ZNF704: variants seen among roughly 807,000 people sequenced by gnomAD.
ZNF704 encodes the protein zinc finger protein 704, also known as glucocorticoid induced gene 1.
In ZNF704, 10 loss-of-function variants were observed where a neutral mutation model predicts 44.7. The observed-to-expected ratio is 0.22, with a 90% CI of 0.14 to 0.38. ZNF704 has a LOEUF of 0.38. ZNF704 is among the 10% of genes least tolerant of loss of function. The pLI is 1.00. For missense variants in ZNF704, 390 were observed against 545.5 expected (o/e 0.71, Z 2.84); for synonymous variants, 211 against 207.6 (o/e 1.02, Z -0.14).
At chr8:80,735,989 C>T (rs752338363) in intron 2 of ZNF704, among the ~76,000 whole-genome samples, 1 of 152,158 alleles carries the variant, frequency 6.6e-6, no homozygotes. Context: ...CAAGCATTAA[C>T]TACCCTTTGA....
At chr8:80,751,098 T>C (rs1806935439) in intron 2 of ZNF704, among the ~76,000 whole-genome samples, 1 of 152,242 alleles carries the variant, frequency 6.6e-6, no homozygotes, top group Non-Finnish European at 1.5e-5. Flanking sequence ...ACTTTTGCTT[T>C]TTTTTAACCA....
At position 80,849,773 on chromosome 8, in the gene ZNF704, A is replaced by G. The variant is rs549299080; in HGVS notation, c.-22+24798T>C. On this transcript the variant is annotated intron_variant, in intron 1 of 8. Transcript: ENST00000327835. ...GCTCTGAAGATGATGAGGTTTTAAGATCTGAGGATGAAGATGAAAGGTTTT... is the reference window on the plus strand; with the variant it reads ...GCTCTGAAGATGATGAGGTTTTAAGGTCTGAGGATGAAGATGAAAGGTTTT... Among the ~76,000 whole-genome samples the G allele has an allele frequency of 3.9e-5, 6 of 152,292 alleles. No individual in the cohort carries two copies. The East Asian group carries it at 9.6e-4, about 24-fold the overall frequency.
chr8:80,691,591 C>T (rs1818636736), intron 3 of ZNF704, among the ~76,000 whole-genome samples: 2 of 152,100 alleles, frequency 1.3e-5, no homozygotes, highest in Non-Finnish European at 2.9e-5. Context: ...CTTCCTTCCT[C>T]GGCCATCTTC....
chr8:80,667,757 A>C (rs944012172), intron 5 of ZNF704, among the ~76,000 whole-genome samples: 3 of 152,196 alleles, frequency 2.0e-5, no homozygotes, highest in Non-Finnish European at 4.4e-5. Flanking sequence ...ATGGATTCTG[A>C]GGTTAGACTT....
rs564986074 is a variant in ZNF704 at position 80,681,236 on chromosome 8, C to T, written c.558+5990G>A. On this transcript the variant is annotated intron_variant, in intron 4 of 8. Transcript: ENST00000327835. ...TTCTTATCTCTTAGGTAAATACATA[C>T]CTAAGAGTGGAATTGCTGGGTCATA... Among the ~76,000 whole-genome samples, 158 of 152,098 alleles carry T rather than the reference C, an allele frequency of 1.0e-3. 1 individual carries two copies. Among genetic ancestry groups the T allele is most frequent in the Middle Eastern group, 0.01 (3 of 294 alleles).
At chr8:80,655,084 C>A (rs1262150305) in intron 7 of ZNF704, among the ~76,000 whole-genome samples, 1 of 151,808 alleles carries the variant, frequency 6.6e-6, no homozygotes, top group African/African-American at 2.4e-5. Context: ...AGCAAACTAT[C>A]GCAAAGACAA....
chr8:80,785,702 G>GT (rs1175004368), intron 2 of ZNF704, among the ~76,000 whole-genome samples: 1 of 152,068 alleles, frequency 6.6e-6, no homozygotes, highest in African/African-American at 2.4e-5. Flanking sequence ...GTTTGTTTTT[G>GT]TTTTTTACTT....
chr8:80,724,791 C>A (rs1236499962), intron 2 of ZNF704, among the ~76,000 whole-genome samples: 1 of 152,180 alleles, frequency 6.6e-6, no homozygotes, highest in East Asian at 1.9e-4. Context: ...TCTGCCGAGT[C>A]CTTCCCCTCA....
intron 2 of ZNF704, among the ~76,000 whole-genome samples, chr8:80,703,098 A>G (rs1041520620): frequency 7.2e-5 from 11 of 152,032 alleles, no homozygotes; most frequent in African/African-American, 2.7e-4. Context: ...AATGCAGGAA[A>G]CACCTGGCCC....
intron 7 of ZNF704, among the ~76,000 whole-genome samples, chr8:80,649,613 G>A (rs1233455883): frequency 1.3e-5 from 2 of 152,196 alleles, no homozygotes; most frequent in Non-Finnish European, 2.9e-5. Context: ...AGTGAGGCTG[G>A]GGAGGGGCAC....
At chr8:80,780,962 G>A (rs966440396) in intron 2 of ZNF704, among the ~76,000 whole-genome samples, 1 of 152,184 alleles carries the variant, frequency 6.6e-6, no homozygotes, top group Non-Finnish European at 1.5e-5. Flanking sequence ...GAGCTGAATT[G>A]GAGAGAAGTG....
Position 80,630,110 on chromosome 8 carries a change from G to C in ZNF704, c.*11256C>G, listed in dbSNP as rs1817559865. 2 of 152,178 alleles carry C rather than the reference G, an allele frequency of 1.3e-5. No individual in the cohort carries two copies. Among genetic ancestry groups the C allele is most frequent in the African/African-American group, 4.8e-5 (2 of 41,440 alleles). 9.4% of individuals were successfully genotyped at this position (152,178 alleles called of 1,614,324 possible). On this transcript the variant is annotated 3_prime_UTR_variant, in exon 9 of 9. Transcript: ENST00000327835. ...CCAAGTTTATTTTGAATAATTTGCA[G>C]TTGTGGTAGGTAGCTATGAAAAAAA...
upstream of ZNF704, among the ~76,000 whole-genome samples, chr8:80,875,301 T>C (rs1382006428): frequency 6.6e-6 from 1 of 152,048 alleles, no homozygotes; most frequent in Non-Finnish European, 1.5e-5. Context: ...AATTTTTATT[T>C]ATATATATTT....
At chr8:80,811,189 A>G (rs1279104462) in intron 2 of ZNF704, among the ~76,000 whole-genome samples, 3 of 152,208 alleles carry the variant, frequency 2.0e-5, no homozygotes, top group African/African-American at 7.2e-5. Flanking sequence ...TAAAATATAC[A>G]GCAGATTTTT....
chr8:80,862,757 T>C (rs1586083358), intron 1 of ZNF704, among the ~76,000 whole-genome samples: 1 of 101,890 alleles, frequency 9.8e-6, no homozygotes, highest in African/African-American at 4.1e-5. Context: ...AGAGTGAGAC[T>C]CCGTCTCAAA....
At chr8:80,844,854 T>C (rs1353223116) in intron 1 of ZNF704, among the ~76,000 whole-genome samples, 1 of 151,660 alleles carries the variant, frequency 6.6e-6, no homozygotes, top group Non-Finnish European at 1.5e-5. Context: ...TATTTATTTA[T>C]TTATTTATTG....
At chr8:80,690,060 T>TA (rs376882889) in intron 3 of ZNF704, among the ~76,000 whole-genome samples, 191 of 137,238 alleles carry the variant, frequency 1.4e-3, no homozygotes, top group East Asian at 2.3e-3. Context: ...CTTTTTTTCC[T>TA]AAAAAAAAAA....
At position 80,848,441 on chromosome 8, in the gene ZNF704, T is replaced by C. The variant is rs74349168; in HGVS notation, c.-22+26130A>G. Among the ~76,000 whole-genome samples, 287 of 152,328 alleles carry C rather than the reference T, an allele frequency of 1.9e-3. 1 individual carries two copies. Among genetic ancestry groups the C allele is most frequent in the African/African-American group, 6.5e-3 (272 of 41,568 alleles). On this transcript the variant is annotated intron_variant, in intron 1 of 8. Coordinates refer to ENST00000327835, the MANE Select transcript of ZNF704 (RefSeq NM_001033723.3). ...CAATGTCGATTTCCTGGTGGTGATA[T>C]ATTATGGTTACACAAGATGTTACCA...
rs1418697518 is a variant in ZNF704 at position 80,652,076 on chromosome 8, A to C, written c.1032+7509T>G. ...CTGCTCCTGAATGACTACTGGGTAC[A>C]TCACGAAATGAAGGCAGAAATAAAA... is the stretch of plus-strand genomic sequence containing the variant. On this transcript the variant is annotated intron_variant, in intron 7 of 8. Coordinates refer to ENST00000327835, the MANE Select transcript of ZNF704 (RefSeq NM_001033723.3). 7.9e-4 allele frequency among the ~76,000 whole-genome samples: 121 copies of C among 152,238 alleles called. 1 individual carries two copies. Among genetic ancestry groups the C allele is most frequent in the Non-Finnish European group, 1.3e-4 (9 of 68,056 alleles).
Sources: allele counts gnomAD v4.1 joint callset (sites outside exome capture counted in the v4.1 genomes callset), GRCh38; gene constraint gnomAD v4.1.1; transcripts MANE v1.5; gene names NCBI Gene and HGNC (gene_info 2026-07-23, HGNC 2026-07-21).